The following CSDE1 variants were observed in gnomAD, a reference collection of about 807,000 sequenced individuals.
CSDE1 encodes cold shock domain containing E1, also known as cold shock domain-containing protein E1.
A neutral mutation model predicts 89.3 loss-of-function variants in CSDE1; 17 were observed. The observed-to-expected ratio is 0.19, with a 90% CI of 0.13 to 0.29. The LOEUF (loss-of-function observed/expected upper bound fraction) is 0.29. Ranked by LOEUF, CSDE1 falls within the 10% of genes least tolerant of loss-of-function variation. CSDE1 has a pLI of 1.00. For missense variants in CSDE1, 672 were observed against 984.2 expected (o/e 0.68, Z 4.24); for synonymous variants, 322 against 332.8 (o/e 0.97, Z 0.35).
intron 5 of CSDE1, 47 bp downstream of exon 5, chr1:114,737,424 T>C (rs775415553): frequency 1.4e-6 from 2 of 1,385,938 alleles, no homozygotes; most frequent in Non-Finnish European, 2.0e-6. Flanking sequence ...CGCTTATAGA[T>C]CACATGGTGG....
At chr1:114,749,486 A>C (rs970959698) in intron 2 of CSDE1, among the ~76,000 whole-genome samples, 6 of 152,238 alleles carry the variant, frequency 3.9e-5, no homozygotes, top group Admixed American at 1.3e-4. Context: ...TCAGTAGCAA[A>C]TATCACCAAA....
intron 12 of CSDE1, among the ~76,000 whole-genome samples, chr1:114,728,690 C>A (rs1230192392): frequency 6.6e-6 from 1 of 152,134 alleles, no homozygotes; most frequent in African/African-American, 2.4e-5. Context: ...TTAACAGTAT[C>A]ATCTGTCACA....
chr1:114,732,945 A>C, intron 9 of CSDE1, 129 bp from the exon 10 acceptor site: 1 of 728,512 alleles, frequency 1.4e-6, no homozygotes, highest in Non-Finnish European at 2.3e-6. Flanking sequence ...AAAGGTGTTG[A>C]CAACATAAGT....
Position 114,719,623 on chromosome 1 carries a change from A to T in CSDE1, c.2172T>A (p.Asn724Lys). The change falls in exon 18 of 20, where the codon AAT (asparagine) becomes AAA (lysine). Residue 724 changes from asparagine to lysine, a missense_variant. Transcript: ENST00000358528. ...AGGCGCTGCACTTGCCAGTGCGCTG[A>T]TTAAGAATCACTGAGAACTCCACCT... is the stretch of plus-strand genomic sequence containing the variant. ...GDEVEFSVIL[N>K]QRTGKCSACN... 6.2e-7 allele frequency: 1 copy of T among 1,614,062 alleles called. No individual in the cohort carries two copies.
At position 114,718,124 on chromosome 1, in the gene CSDE1, C is replaced by T; in HGVS notation, c.*45G>A. 6.2e-7 allele frequency: 1 copy of T among 1,607,180 alleles called. No individual in the cohort carries two copies. The highest frequency in any genetic ancestry group is 8.5e-7 in the Non-Finnish European group (1 of 1,174,190). ...ATTCAGAACCCTTCACCAGATTCCC[C>T]CCAACTTGATCATAGTGGATTAATG... On this transcript the variant is annotated 3_prime_UTR_variant, in exon 20 of 20. Coordinates refer to ENST00000358528, the MANE Select transcript of CSDE1 (RefSeq NM_001007553.3).
intron 15 of CSDE1, among the ~76,000 whole-genome samples, chr1:114,724,822 A>T (rs1373848951): frequency 2.6e-5 from 4 of 152,082 alleles, no homozygotes; most frequent in Non-Finnish European, 5.9e-5. Flanking sequence ...CTACCAGCAC[A>T]AGCGGCCCTC....
chr1:114,728,552 G>T (rs1457729559), intron 12 of CSDE1, among the ~76,000 whole-genome samples: 1 of 152,110 alleles, frequency 6.6e-6, no homozygotes, highest in East Asian at 1.9e-4. Context: ...ACAAAAAATG[G>T]CAGGGAAAGT....
chr1:114,732,016 T>C (rs1442724516), intron 10 of CSDE1, among the ~76,000 whole-genome samples: 1 of 151,168 alleles, frequency 6.6e-6, no homozygotes, highest in Non-Finnish European at 1.5e-5. Flanking sequence ...GGTTTTACCA[T>C]GTTGGCCAGG....
chr1:114,725,443 A>C, intron 14 of CSDE1, 110 bp from the exon 15 acceptor site: 1 of 819,774 alleles, frequency 1.2e-6, no homozygotes, highest in East Asian at 2.4e-5. Context: ...TATTTACATT[A>C]GACACCATTT....
chr1:114,733,100 C>T (rs1557997569), intron 9 of CSDE1, among the ~76,000 whole-genome samples: 1 of 152,166 alleles, frequency 6.6e-6, no homozygotes. Context: ...TCACCTTCCC[C>T]ACAAACTGGA....
chr1:114,741,461 G>A (rs564205626), intron 2 of CSDE1: 2 of 1,371,528 alleles, frequency 1.5e-6, no homozygotes, highest in African/African-American at 1.5e-5. Flanking sequence ...CAGAATGAGT[G>A]GCAATCCTAG....
chr1:114,733,907 C>T (rs1660249318), intron 8 of CSDE1, 50 bp from the exon 9 acceptor site: 2 of 1,607,740 alleles, frequency 1.2e-6, no homozygotes, highest in East Asian at 2.2e-5. Context: ...AAGGAAGAAT[C>T]ACATAATTTT....
chr1:114,724,065 G>A (rs1046076677), intron 15 of CSDE1, 63 bp from the exon 16 acceptor site: 12 of 1,540,676 alleles, frequency 7.8e-6, no homozygotes, highest in Admixed American at 3.9e-5. Flanking sequence ...AGAAAGACAA[G>A]TAAGCAAAAA....
chr1:114,739,530 A>G (rs965179063), intron 3 of CSDE1, among the ~76,000 whole-genome samples, 162 bp downstream of exon 3: 1 of 152,256 alleles, frequency 6.6e-6, no homozygotes, highest in Non-Finnish European at 1.5e-5. Flanking sequence ...TAATCTTTCA[A>G]GGATTCTGCT....
intron 13 of CSDE1, 30 bp from the exon 14 acceptor site, chr1:114,726,416 C>T: frequency 6.4e-7 from 1 of 1,571,328 alleles, no homozygotes; most frequent in South Asian, 1.2e-5. Context: ...TCATTAACAC[C>T]ATATCACTTC....
chr1:114,743,239 T>C (rs1242986122), intron 2 of CSDE1, among the ~76,000 whole-genome samples: 1 of 152,202 alleles, frequency 6.6e-6, no homozygotes, highest in Non-Finnish European at 1.5e-5. Flanking sequence ...TCACCCAGCC[T>C]GGAGTGCAGT....
chr1:114,735,321 C>G (rs1660341954), intron 6 of CSDE1, among the ~76,000 whole-genome samples: 1 of 152,026 alleles, frequency 6.6e-6, no homozygotes, highest in Non-Finnish European at 1.5e-5. Flanking sequence ...AGACAAATAA[C>G]CCAAAATGTG....
intron 4 of CSDE1, 125 bp downstream of exon 4, chr1:114,737,838 T>A: frequency 1.4e-6 from 1 of 692,054 alleles, no homozygotes; most frequent in Non-Finnish European, 2.5e-6. Flanking sequence ...TTTAAAATAG[T>A]AATCTTTATA....
At chr1:114,757,518 T>C (rs1661675248) in intron 1 of CSDE1, among the ~76,000 whole-genome samples, 1 of 151,528 alleles carries the variant, frequency 6.6e-6, no homozygotes, top group African/African-American at 2.4e-5. Context: ...CGCCGGGACA[T>C]GTAGTTCCCG....
Sources: gnomAD v4.1 joint callset for allele counts (sites outside exome capture counted in the v4.1 genomes callset) on GRCh38, gnomAD v4.1.1 for gene constraint, MANE v1.5 for transcripts, NCBI Gene and HGNC (gene_info 2026-07-23, HGNC 2026-07-21) for gene names.